GAS7: variants seen among roughly 807,000 people sequenced by gnomAD.
The protein encoded by GAS7 is growth arrest specific 7, also known as growth arrest-specific protein 7.
In GAS7, 28 loss-of-function variants were observed where a neutral mutation model predicts 71.1. The ratio of observed to expected loss-of-function variants is 0.39; its 90% CI spans 0.29 to 0.54. The LOEUF is 0.54. Ranked by LOEUF, GAS7 falls within the 20% of genes least tolerant of loss-of-function variation. GAS7 has a pLI of 0.62. For synonymous variants in GAS7, 258 were observed against 245.8 expected, an observed-to-expected ratio of 1.05 and a Z score of -0.46; for missense variants, 436 against 627.8, an observed-to-expected ratio of 0.69 and a Z score of 3.27.
rs200074686 is a variant in GAS7, at chr17:9,917,204, C to A, written c.*24G>T. On this transcript the variant is annotated 3_prime_UTR_variant, in exon 14 of 14. Transcript: ENST00000432992. The stretch of plus-strand genomic sequence containing the variant: ...AGCCCAGCCCCCCTCCCCAGCAGGA[C>A]CCCCCGAAGCTGCACAGGCCCATCT... The A allele has an allele frequency of 1.9e-5, 26 of 1,348,162 alleles. No homozygotes were observed. In the African/African-American group the frequency reaches 2.1e-4, roughly 11 times the overall value. 83.5% of individuals were successfully genotyped at this position (1,348,162 alleles called of 1,614,324 possible). A position where few individuals can be genotyped will look rare whatever the true frequency, so the allele number is the denominator to read the frequency against.
intron 1 of GAS7, among the ~76,000 whole-genome samples, chr17:10,022,722 G>T (rs368050784): frequency 1.1e-4 from 17 of 152,346 alleles, no homozygotes; most frequent in African/African-American, 3.6e-4. Context: ...TTTTCCACTG[G>T]AAGGGCTTCA....
intron 1 of GAS7, among the ~76,000 whole-genome samples, chr17:10,177,940 C>T (rs1419493055): frequency 6.6e-6 from 1 of 152,120 alleles, no homozygotes; most frequent in African/African-American, 2.4e-5. Context: ...ACCAGAACAC[C>T]GGCCGCATTA....
chr17:10,004,186 T>C (rs3786076), intron 2 of GAS7, among the ~76,000 whole-genome samples: 34,970 of 152,070 alleles, frequency 0.23, 6,000 homozygotes, highest in African/African-American at 0.49. Flanking sequence ...CATTCTGTCT[T>C]TGCAAACAAG....
At chr17:10,187,573 T>C (rs1192897157) in intron 1 of GAS7, among the ~76,000 whole-genome samples, 1 of 152,184 alleles carries the variant, frequency 6.6e-6, no homozygotes, top group Non-Finnish European at 1.5e-5. Context: ...TCCTCATGTG[T>C]TTATGCTTTT....
chr17:10,074,474 TG>T (rs753638542), intron 1 of GAS7, among the ~76,000 whole-genome samples: 5 of 152,204 alleles, frequency 3.3e-5, no homozygotes, highest in Non-Finnish European at 5.9e-5. Flanking sequence ...TTCTCAGTGT[TG>T]GATAGCAATG....
rs1210736499 is a variant in GAS7, at chr17:10,103,848, AAAG to A, written c.184-83954_184-83952del. ...CTCAAAAAATCTCAAAAAAAAAAAA[AAAG>A]AAGCAAACCCATAGAACCCATAGTA... is the stretch of plus-strand genomic sequence containing the variant. On this transcript the variant is annotated intron_variant, in intron 1 of 13. Coordinates refer to ENST00000432992, the MANE Select transcript of GAS7 (RefSeq NM_201433.2). The surrounding 1 kb of genome is among the most constrained non-coding windows in gnomAD (Gnocchi z 5.5). Among the ~76,000 whole-genome samples, 1 of 151,592 alleles carries A rather than the reference AAAG, an allele frequency of 6.6e-6. No homozygotes were observed. The highest frequency in any genetic ancestry group is 2.4e-5 in the African/African-American group (1 of 41,276).
chr17:10,138,702 G>C (rs2074058855), intron 1 of GAS7, among the ~76,000 whole-genome samples: 1 of 152,216 alleles, frequency 6.6e-6, no homozygotes, highest in Admixed American at 6.5e-5. Flanking sequence ...GGGAGGTGGA[G>C]GTTGCAGTAA....
chr17:9,930,739 C>T (rs1447459688), intron 9 of GAS7, among the ~76,000 whole-genome samples: 3 of 152,200 alleles, frequency 2.0e-5, no homozygotes, highest in Admixed American at 6.5e-5. Context: ...ACATTAAAAA[C>T]GGTTTTTGGC....
At chr17:10,057,373 C>T (rs1203295047) in intron 1 of GAS7, among the ~76,000 whole-genome samples, 6 of 151,990 alleles carry the variant, frequency 3.9e-5, no homozygotes, top group African/African-American at 9.7e-5. Flanking sequence ...GGCCCCCCAT[C>T]GTCTGAGATG....
chr17:9,939,169 G>A (rs531912176), intron 8 of GAS7, among the ~76,000 whole-genome samples: 1 of 152,318 alleles, frequency 6.6e-6, no homozygotes, highest in Middle Eastern at 3.4e-3. Context: ...GAATGGAATT[G>A]CTGGGTCACA....
At chr17:10,010,275 G>A (rs975961782) in intron 2 of GAS7, among the ~76,000 whole-genome samples, 17 of 151,658 alleles carry the variant, frequency 1.1e-4, no homozygotes, top group Admixed American at 3.9e-4. Flanking sequence ...TCAGCCTCCC[G>A]AGTAGCTGGG....
At chr17:10,035,098 G>A (rs1167398224) in intron 1 of GAS7, among the ~76,000 whole-genome samples, 1 of 152,026 alleles carries the variant, frequency 6.6e-6, no homozygotes, top group African/African-American at 2.4e-5. Flanking sequence ...CTTCCCAAGA[G>A]CTTGACTTCG....
intron 4 of GAS7, among the ~76,000 whole-genome samples, chr17:9,967,164 C>T (rs1420650111): frequency 9.5e-6 from 1 of 104,868 alleles, no homozygotes; most frequent in Non-Finnish European, 2.0e-5. Context: ...CTGGTACCTA[C>T]TTTGTAGCTT....
chr17:10,118,179 A>G (rs1412153971), intron 1 of GAS7, among the ~76,000 whole-genome samples: 1 of 138,678 alleles, frequency 7.2e-6, no homozygotes, highest in Non-Finnish European at 1.6e-5. Context: ...GTTGCAAGAC[A>G]AGATGATAGA....
chr17:10,056,337 CTT>C (rs1344491867), intron 1 of GAS7, among the ~76,000 whole-genome samples: 3 of 151,700 alleles, frequency 2.0e-5, no homozygotes, highest in East Asian at 1.9e-4. Context: ...TCTACAAAAA[CTT>C]TTAAAATTAG....
intron 1 of GAS7, among the ~76,000 whole-genome samples, chr17:10,023,319 A>G (rs1334952055): frequency 6.6e-6 from 1 of 152,210 alleles, no homozygotes; most frequent in Non-Finnish European, 1.5e-5. Flanking sequence ...TTAAAAGTCA[A>G]AAGACATGGA....
intron 1 of GAS7, 28 bp from the exon 2 acceptor site, chr17:10,019,925 C>T (rs769175878): frequency 1.9e-6 from 3 of 1,608,174 alleles, no homozygotes; most frequent in Admixed American, 3.4e-5. Context: ...AAAGGTCACA[C>T]CCATTTGGCA....
chr17:10,126,076 A>G (rs1343651465), intron 1 of GAS7, among the ~76,000 whole-genome samples: 1 of 152,182 alleles, frequency 6.6e-6, no homozygotes, highest in East Asian at 1.9e-4. Context: ...AGGGACCCAC[A>G]GCAGGGGTCG....
chr17:10,030,496 G>A (rs756107933), intron 1 of GAS7, among the ~76,000 whole-genome samples: 2 of 152,194 alleles, frequency 1.3e-5, no homozygotes, highest in Non-Finnish European at 2.9e-5. Context: ...GGTGCATGAG[G>A]CACACCTGCA....
Sources: allele counts gnomAD v4.1 joint callset (sites outside exome capture counted in the v4.1 genomes callset), GRCh38; gene constraint gnomAD v4.1.1; non-coding constraint Gnocchi (gnomAD v3.1); transcripts MANE v1.5; gene names NCBI Gene and HGNC (gene_info 2026-07-23, HGNC 2026-07-21).